The following LDLRAD3 variants were observed in gnomAD, a reference collection of about 807,000 sequenced individuals.
The protein encoded by LDLRAD3 is low density lipoprotein receptor class A domain containing 3, also known as low-density lipoprotein receptor class A domain-containing protein 3.
In LDLRAD3, 20 loss-of-function variants were observed where a neutral mutation model predicts 29.4. The observed-to-expected ratio is 0.68, with a 90% confidence interval of 0.48 to 0.99. The LOEUF is 0.99. LDLRAD3 is among the 50% of genes least tolerant of loss of function. The pLI is 0.00. For synonymous variants in LDLRAD3, 157 were observed against 192.7 expected, an observed-to-expected ratio of 0.81 and a Z score of 1.53; for missense variants, 420 against 454.3, an observed-to-expected ratio of 0.92 and a Z score of 0.69.
chr11:36,217,760 G>T (rs1229077379), intron 4 of LDLRAD3, among the ~76,000 whole-genome samples: 2 of 151,784 alleles, frequency 1.3e-5, no homozygotes, highest in African/African-American at 4.8e-5. Context: ...TTCTGGGGCC[G>T]CTGGCAATTC....
chr11:36,147,145 T>G (rs1854208173), intron 4 of LDLRAD3, among the ~76,000 whole-genome samples: 1 of 121,044 alleles, frequency 8.3e-6, no homozygotes, highest in African/African-American at 3.2e-5. Flanking sequence ...TGAGACGGAG[T>G]CTTGCTCTGT....
At chr11:35,954,540 A>G (rs989459984) in intron 1 of LDLRAD3, among the ~76,000 whole-genome samples, 9 of 152,238 alleles carry the variant, frequency 5.9e-5, no homozygotes, top group African/African-American at 1.9e-4. Flanking sequence ...GAAGGGGATC[A>G]CTAAAGACAT....
At chr11:36,048,970 T>C (rs968246964) in intron 2 of LDLRAD3, among the ~76,000 whole-genome samples, 1 of 152,180 alleles carries the variant, frequency 6.6e-6, no homozygotes, top group Admixed American at 6.5e-5. Flanking sequence ...TTCATTATCA[T>C]CAGCACTGTG....
chr11:36,220,960 C>T (rs61881470), intron 4 of LDLRAD3, among the ~76,000 whole-genome samples: 10,222 of 152,062 alleles, frequency 0.067, 451 homozygotes, highest in East Asian at 0.2. Flanking sequence ...AAAAATACTT[C>T]TAAAAAAATT....
Position 35,944,139 on chromosome 11 carries a change from C to A in LDLRAD3, c.41C>A (p.Ala14Asp). The A allele has an allele frequency of 9.6e-7, 1 of 1,046,258 alleles. No individual in the cohort carries two copies. The highest frequency in any genetic ancestry group is 1.1e-6 in the Non-Finnish European group (1 of 870,778). The allele number at this position is 1,046,258 out of a possible 1,614,324, so 64.8% of individuals were successfully genotyped here. ...LGPLCLLLSSAAESQLLPGNN... is the reference protein window; with the variant it reads ...LGPLCLLLSSDAESQLLPGNN... ...CCGCTGTGCCTGCTGCTGAGCAGCG[C>A]CGCGGGTGAGTCGGGGGGCGGCCGG... The change falls in exon 1 of 6, where the codon GCC becomes GAC. Residue 14 changes from alanine (A) to aspartate (D), a missense_variant. Ala to Asp is a moderately radical substitution (Grantham distance 126). Transcript: ENST00000315571. The surrounding 1 kb of genome is among the most constrained non-coding windows in gnomAD (Gnocchi z 4.9).
At chr11:36,038,396 G>T (rs1413859324) in intron 2 of LDLRAD3, among the ~76,000 whole-genome samples, 1 of 152,140 alleles carries the variant, frequency 6.6e-6, no homozygotes, top group Non-Finnish European at 1.5e-5. Context: ...CCATTTTTGA[G>T]ATATGGTGTA....
At chr11:36,175,861 T>G (rs1854668446) in intron 4 of LDLRAD3, among the ~76,000 whole-genome samples, 1 of 152,224 alleles carries the variant, frequency 6.6e-6, no homozygotes, top group South Asian at 2.1e-4. Flanking sequence ...ATTGTTACTT[T>G]GCTGACTTTC....
intron 4 of LDLRAD3, among the ~76,000 whole-genome samples, chr11:36,115,464 C>T (rs769896626): frequency 2.4e-4 from 37 of 152,094 alleles, no homozygotes; most frequent in Non-Finnish European, 4.7e-4. Context: ...AGGGGCAGCT[C>T]GAACCTTTCA....
chr11:35,995,733 T>C lies in LDLRAD3; in HGVS notation c.47-40370T>C, dbSNP rs7926306. ...ATCAGTGATCTTAGCTATCTAGATC[T>C]TTTGGATAACTTGCTGCAGCTTCTA... On this transcript the variant is annotated intron_variant, in intron 1 of 5. Coordinates refer to ENST00000315571, the MANE Select transcript of LDLRAD3 (RefSeq NM_174902.4). 2.7e-3 allele frequency among the ~76,000 whole-genome samples: 419 copies of C among 152,380 alleles called. 2 individuals carry two copies. Among genetic ancestry groups the C allele is most frequent in the African/African-American group, 9.8e-3 (407 of 41,584 alleles).
At chr11:36,127,330 A>C (rs951143520) in intron 4 of LDLRAD3, among the ~76,000 whole-genome samples, 3 of 152,252 alleles carry the variant, frequency 2.0e-5, no homozygotes, top group Non-Finnish European at 4.4e-5. Context: ...AAGTTACACA[A>C]TAAAACAGTA....
chr11:36,204,421 C>T (rs2422181), intron 4 of LDLRAD3, among the ~76,000 whole-genome samples: 67,107 of 151,856 alleles, frequency 0.44, 15,688 homozygotes, highest in Middle Eastern at 0.55. Flanking sequence ...TCCCATGTCC[C>T]TCCTACACTT....
At chr11:36,142,994 T>G (rs1022882939) in intron 4 of LDLRAD3, among the ~76,000 whole-genome samples, 5 of 152,178 alleles carry the variant, frequency 3.3e-5, no homozygotes, top group Non-Finnish European at 5.9e-5. Context: ...TGGTGAACCT[T>G]TTCATTAATA....
chr11:36,096,615 T>C (rs1335973820), intron 3 of LDLRAD3, among the ~76,000 whole-genome samples: 2 of 152,240 alleles, frequency 1.3e-5, no homozygotes, highest in African/African-American at 4.8e-5. Flanking sequence ...CTGGGCACTG[T>C]ACATTTTCCC....
At chr11:36,026,380 C>G (rs558020805) in intron 1 of LDLRAD3, among the ~76,000 whole-genome samples, 2 of 152,248 alleles carry the variant, frequency 1.3e-5, no homozygotes, top group Non-Finnish European at 2.9e-5. Context: ...CTCTTGCTGT[C>G]GCCCTGTGCA....
intron 4 of LDLRAD3, among the ~76,000 whole-genome samples, chr11:36,141,036 C>CTCTCTCTCTCTCTCTCTCTCT (rs1491124137): frequency 5.8e-5 from 8 of 138,588 alleles, no homozygotes; most frequent in Admixed American, 2.2e-4. Context: ...CTCTCTCTCT[C>CTCTCTCTCTCTCTCTCTCTCT]CGTGTGGGGG....
At chr11:36,228,169 G>A (rs770846990) in intron 5 of LDLRAD3, among the ~76,000 whole-genome samples, 12 of 152,146 alleles carry the variant, frequency 7.9e-5, no homozygotes, top group Non-Finnish European at 1.3e-4. Flanking sequence ...TTTGCTGGCC[G>A]TGTTCTGATG....
chr11:36,212,586 G>T (rs1855297710), intron 4 of LDLRAD3, among the ~76,000 whole-genome samples: 1 of 150,366 alleles, frequency 6.7e-6, no homozygotes, highest in East Asian at 1.9e-4. Flanking sequence ...ATCTTAAACA[G>T]CCAATTAAAT....
At chr11:36,157,395 A>G (rs1374023141) in intron 4 of LDLRAD3, among the ~76,000 whole-genome samples, 1 of 152,240 alleles carries the variant, frequency 6.6e-6, no homozygotes, top group African/African-American at 2.4e-5. Flanking sequence ...GAGGGAGTTA[A>G]TTGAAGAGTT....
intron 4 of LDLRAD3, among the ~76,000 whole-genome samples, chr11:36,151,308 G>C (rs777459897): frequency 3.9e-5 from 6 of 152,052 alleles, no homozygotes; most frequent in Non-Finnish European, 7.4e-5. Context: ...ACACAGTATT[G>C]TGTAGTAAGA....
Sources: allele counts gnomAD v4.1 joint callset (sites outside exome capture counted in the v4.1 genomes callset), GRCh38; gene constraint gnomAD v4.1.1; non-coding constraint Gnocchi (gnomAD v3.1); transcripts MANE v1.5; gene names NCBI Gene and HGNC (gene_info 2026-07-23, HGNC 2026-07-21).